Variants in ZNF117 observed in about 807,000 individuals in gnomAD.
ZNF117 encodes the protein Krueppel-related zinc finger protein.
A neutral mutation model predicts 41.2 loss-of-function variants in ZNF117; 37 were observed. That is an observed-to-expected ratio of 0.90 (90% CI 0.69 to 1.18). ZNF117 has a LOEUF of 1.18. Among genes scored for constraint, ZNF117 ranks in the 50% most tolerant of loss-of-function variants. ZNF117 has a pLI of 0.00. For synonymous variants in ZNF117, 186 were observed against 186.6 expected (o/e 1.00, Z 0.02); for missense variants, 546 against 557.5 (o/e 0.98, Z 0.21).
intron 2 of ZNF117, 118 bp downstream of exon 3, chr7:64,981,269 G>A (rs1786026732): frequency 7.5e-7 from 1 of 1,332,992 alleles, no homozygotes. Context: ...AAAAAACTCG[G>A]GCTTTCCAGA....
At chr7:64,983,767 C>A (rs1451612244), upstream of ZNF117, among the ~76,000 whole-genome samples, 3 of 152,132 alleles carry the variant, frequency 2.0e-5, no homozygotes, top group African/African-American at 7.2e-5. Flanking sequence ...TGTGACAGCC[C>A]ACCTCATTCA....
At chr7:64,984,854 A>G (rs1786099852), upstream of ZNF117, among the ~76,000 whole-genome samples, 3 of 152,166 alleles carry the variant, frequency 2.0e-5, no homozygotes. Flanking sequence ...GCAGTGGTGC[A>G]ATCTCAGCCC....
chr7:64,973,502 A>C (rs1785815460), downstream of ZNF117: 1 of 151,966 alleles, frequency 6.6e-6, no homozygotes, highest in African/African-American at 2.4e-5. Flanking sequence ...AATAATGCTA[A>C]CTGATTTAAT....
chr7:64,979,635 G>C, intron 2 of ZNF117, 99 bp from the exon 4 acceptor site: 8 of 932,798 alleles, frequency 8.6e-6, no homozygotes, highest in Non-Finnish European at 1.2e-5. Context: ...ACATAAGCAA[G>C]ATGGCATAGC....
At chr7:64,975,500 G>C (rs1198422478) in exon 3 of ZNF117, 4 of 151,766 alleles carry the variant, frequency 2.6e-5, no homozygotes, top group Non-Finnish European at 5.9e-5. Flanking sequence ...CCATAGAAAA[G>C]GTAAAAAATA....
upstream of ZNF117, among the ~76,000 whole-genome samples, chr7:64,986,569 A>G (rs1216330346): frequency 2.0e-5 from 3 of 152,182 alleles, no homozygotes; most frequent in Non-Finnish European, 4.4e-5. Context: ...TTATATTTCC[A>G]TGGTATAATT....
chr7:64,973,750 A>ATAT (rs1317965723), downstream of ZNF117: 1 of 151,946 alleles, frequency 6.6e-6, no homozygotes, highest in Non-Finnish European at 1.5e-5. Context: ...AAGTCACATA[A>ATAT]TAAGACAAAC....
At chr7:64,984,864 C>T (rs1161763349), upstream of ZNF117, among the ~76,000 whole-genome samples, 9 of 152,170 alleles carry the variant, frequency 5.9e-5, no homozygotes, top group Non-Finnish European at 1.3e-4. Flanking sequence ...AATCTCAGCC[C>T]ACTGCAACCT....
At position 64,981,474 on chromosome 7, in the gene ZNF117, C is replaced by T. The variant is rs1421866953; in HGVS notation, c.-54G>A. ...CAGGTAATCAGGTCTGGCTTAGAGACAGCAATACCTGTTTTATTGAAAATA... is the reference window on the plus strand; with the variant it reads ...CAGGTAATCAGGTCTGGCTTAGAGATAGCAATACCTGTTTTATTGAAAATA... On this transcript the variant is annotated 5_prime_UTR_variant, in exon 2 of 3. Coordinates refer to ENST00000620222, the Ensembl canonical transcript of ZNF117. 29 of 1,586,622 alleles carry T rather than the reference C, an allele frequency of 1.8e-5. No homozygotes were observed. In the South Asian group the frequency reaches 1.9e-4, roughly 10 times the overall value.
At chr7:64,976,841 A>T in exon 3 of ZNF117, 1 of 423,006 alleles carries the variant, frequency 2.4e-6, no homozygotes, top group South Asian at 1.7e-5. Context: ...TAATTTTCTT[A>T]TGTTTAGTAA....
At chr7:64,987,908 G>T (rs1212991101) in intron 1 of ZNF117, among the ~76,000 whole-genome samples, 4 of 149,600 alleles carry the variant, frequency 2.7e-5, no homozygotes, top group African/African-American at 9.8e-5. Context: ...GAACAAAAAA[G>T]AAATCGAATC....
At chr7:64,984,904 C>T (rs763070663), upstream of ZNF117, among the ~76,000 whole-genome samples, 4 of 152,158 alleles carry the variant, frequency 2.6e-5, no homozygotes, top group Non-Finnish European at 5.9e-5. Flanking sequence ...GATTCACATG[C>T]CTCAGCCTCC....
downstream of ZNF117, chr7:64,974,074 A>AAATT (rs1785825103): frequency 6.6e-6 from 1 of 151,906 alleles, no homozygotes; most frequent in South Asian, 2.1e-4. Context: ...ATAAATAAAT[A>AAATT]AATTTACTTA....
exon 3 of ZNF117, chr7:64,974,973 C>T (rs1785848702): frequency 6.7e-6 from 1 of 150,350 alleles, no homozygotes; most frequent in Non-Finnish European, 1.5e-5. Flanking sequence ...TATGTACCCA[C>T]AAAAGTTAAG....
exon 3 of ZNF117, chr7:64,975,676 CT>C (rs1307668580): frequency 6.6e-6 from 1 of 152,038 alleles, no homozygotes; most frequent in African/African-American, 2.4e-5. Flanking sequence ...AAAAAGTATA[CT>C]TTAAATGTAA....
intron 1 of ZNF117, among the ~76,000 whole-genome samples, chr7:64,989,459 A>ATG (rs1203152420): frequency 2.6e-5 from 1 of 38,196 alleles, no homozygotes; most frequent in Non-Finnish European, 5.9e-5. Context: ...ATATATATAT[A>ATG]TATATATATA....
downstream of ZNF117, chr7:64,973,738 A>G (rs553661527): frequency 4.5e-4 from 69 of 152,082 alleles, 1 homozygote; most frequent in African/African-American, 1.6e-3. Context: ...ATGAATACAC[A>G]GAAGTCACAT....
intron 2 of ZNF117, chr7:64,980,282 T>C (rs1785998535): frequency 6.6e-6 from 1 of 152,042 alleles, no homozygotes; most frequent in Non-Finnish European, 1.5e-5. Flanking sequence ...TTGTTTTTAA[T>C]GTTCAAATTT....
At position 64,978,268 on chromosome 7, in the gene ZNF117, G is replaced by A; in HGVS notation, c.1303C>T (p.His435Tyr). 6.3e-7 allele frequency: 1 copy of A among 1,595,400 alleles called. No individual in the cohort carries two copies. The highest frequency in any genetic ancestry group is 1.7e-5 in the Admixed American group (1 of 59,032). Reference sequence around the variant, plus strand: ...TTCTCTCCAGTATGAATTCTCTTATGTCCAATAAGGGTTGAAGATCGGTTA... The same window carrying A: ...TTCTCTCCAGTATGAATTCTCTTATATCCAATAAGGGTTGAAGATCGGTTA... The change falls in exon 3 of 3, where the codon CAT becomes TAT. Residue 435 changes from histidine to tyrosine, a missense_variant. His to Tyr is a moderately conservative substitution (Grantham distance 83). Transcript: ENST00000620222.
Sources: gnomAD v4.1 joint callset for allele counts (sites outside exome capture counted in the v4.1 genomes callset) on GRCh38, gnomAD v4.1.1 for gene constraint, MANE v1.5 for transcripts, NCBI Gene and HGNC (gene_info 2026-07-23, HGNC 2026-07-21) for gene names.